The following PDE4D variants were observed in gnomAD, a reference collection of about 807,000 sequenced individuals.
PDE4D encodes phosphodiesterase 4D.
Under a neutral mutation model 87.4 loss-of-function variants are expected in PDE4D, and 24 were observed. The observed-to-expected ratio is 0.27, with a 90% CI of 0.20 to 0.39. The LOEUF (loss-of-function observed/expected upper bound fraction) is 0.39, where lower values mean the gene tolerates loss of function less well. Ranked by LOEUF, PDE4D falls within the 10% of genes least tolerant of loss-of-function variation. The pLI, the probability that PDE4D is intolerant of heterozygous loss-of-function variation, is 1.00. For synonymous variants in PDE4D, 384 were observed against 383.2 expected (o/e 1.00, Z -0.02); for missense variants, 714 against 1,041.0 (o/e 0.69, Z 4.32).
At chr5:59,871,700 C>A (rs2152737652) in intron 1 of PDE4D, among the ~76,000 whole-genome samples, 1 of 152,224 alleles carries the variant, frequency 6.6e-6, no homozygotes, top group South Asian at 2.1e-4. Context: ...CTGAAATTTG[C>A]CATCAAGGGA....
At chr5:60,499,313 T>C (rs1419494041) in intron 1 of PDE4D, among the ~76,000 whole-genome samples, 1 of 152,176 alleles carries the variant, frequency 6.6e-6, no homozygotes, top group African/African-American at 2.4e-5. Context: ...ACCCACTCTT[T>C]ATATATAAGG....
At chr5:59,619,994 A>G (rs1830159564) in intron 1 of PDE4D, among the ~76,000 whole-genome samples, 1 of 152,316 alleles carries the variant, frequency 6.6e-6, no homozygotes, top group South Asian at 2.1e-4. Flanking sequence ...GACTTAGTCC[A>G]TGGCTAAAGC....
At chr5:59,168,250 GAGA>G (rs1311074742) in intron 5 of PDE4D, among the ~76,000 whole-genome samples, 1 of 152,212 alleles carries the variant, frequency 6.6e-6, no homozygotes, top group African/African-American at 2.4e-5. Flanking sequence ...TTCACCCAAA[GAGA>G]AGATTAATAT....
intron 2 of PDE4D, among the ~76,000 whole-genome samples, chr5:60,180,223 G>A (rs1023219042): frequency 2.6e-5 from 4 of 152,256 alleles, no homozygotes; most frequent in South Asian, 2.1e-4. Context: ...CTGATCAGTC[G>A]CTGTTCTTTC....
intron 1 of PDE4D, among the ~76,000 whole-genome samples, chr5:59,831,494 G>T (rs900536445): frequency 6.6e-6 from 1 of 152,024 alleles, no homozygotes; most frequent in African/African-American, 2.4e-5. Context: ...TCCATGCCAG[G>T]AGTTTTACAT....
At chr5:60,379,723 G>C (rs896299508) in intron 1 of PDE4D, among the ~76,000 whole-genome samples, 5 of 152,174 alleles carry the variant, frequency 3.3e-5, no homozygotes, top group African/African-American at 1.2e-4. Flanking sequence ...ACACTACTCA[G>C]TGCTTTAATG....
At chr5:59,086,101 G>A (rs1038837037) in intron 5 of PDE4D, among the ~76,000 whole-genome samples, 11 of 152,076 alleles carry the variant, frequency 7.2e-5, no homozygotes, top group Admixed American at 2.0e-4. Context: ...GGAGAAAATC[G>A]AGGCTTTAGA....
intron 2 of PDE4D, among the ~76,000 whole-genome samples, chr5:60,085,338 G>A (rs898991593): frequency 2.0e-5 from 3 of 152,186 alleles, no homozygotes; most frequent in African/African-American, 7.2e-5. Context: ...CTAGACTCAT[G>A]TCCTTTCAGA....
intron 1 of PDE4D, among the ~76,000 whole-genome samples, chr5:59,880,772 C>G (rs1341222549): frequency 6.6e-6 from 1 of 152,244 alleles, no homozygotes; most frequent in East Asian, 1.9e-4. Flanking sequence ...GTCTGGGGTC[C>G]TCATGTCATG....
intron 1 of PDE4D, among the ~76,000 whole-genome samples, chr5:59,441,956 T>A (rs193273288): frequency 1.3e-3 from 194 of 152,344 alleles, no homozygotes; most frequent in African/African-American, 4.4e-3. Flanking sequence ...AAAAACACAC[T>A]TAATAGTATT....
chr5:59,172,669 C>G (rs554929730), intron 5 of PDE4D: 138 of 151,668 alleles, frequency 9.1e-4, no homozygotes, highest in African/African-American at 3.2e-3. Flanking sequence ...GATCGTACCA[C>G]TTCACTCCAG....
chr5:59,233,056 G>A lies in PDE4D; in HGVS notation c.456-17088C>T, dbSNP rs1046591924. 3.3e-5 allele frequency among the ~76,000 whole-genome samples: 5 copies of A among 152,180 alleles called. No individual in the cohort carries two copies. In the South Asian group the frequency reaches 6.2e-4, roughly 19 times the overall value. On this transcript the variant is annotated intron_variant, in intron 1 of 14. Transcript: ENST00000340635. ...GGGGAATGAAGAGAGGTTGGCTAAC[G>A]TATGCAAACATACAGCTGGATAGAA... is the stretch of plus-strand genomic sequence containing the variant.
chr5:59,740,629 A>G (rs1017071128), intron 1 of PDE4D, among the ~76,000 whole-genome samples: 4 of 152,232 alleles, frequency 2.6e-5, no homozygotes, highest in African/African-American at 9.6e-5. Context: ...GATAAACCCA[A>G]TTGTGGAATT....
intron 2 of PDE4D, among the ~76,000 whole-genome samples, chr5:60,140,122 G>T (rs556782837): frequency 1.3e-5 from 2 of 151,914 alleles, no homozygotes; most frequent in African/African-American, 2.4e-5. Context: ...GAATATGAAT[G>T]AATTTTTTAA....
intron 2 of PDE4D, among the ~76,000 whole-genome samples, chr5:60,058,359 A>G (rs1189502774): frequency 6.6e-6 from 1 of 151,936 alleles, no homozygotes; most frequent in Non-Finnish European, 1.5e-5. Flanking sequence ...ACTATTCTGC[A>G]AGCAGTGACT....
At chr5:59,356,218 G>C (rs1346140857) in intron 1 of PDE4D, among the ~76,000 whole-genome samples, 1 of 152,124 alleles carries the variant, frequency 6.6e-6, no homozygotes, top group African/African-American at 2.4e-5. Flanking sequence ...TGACAGTTTA[G>C]TGAAGTCATG....
At chr5:59,617,633 G>T (rs1032674024) in intron 1 of PDE4D, among the ~76,000 whole-genome samples, 6 of 152,200 alleles carry the variant, frequency 3.9e-5, no homozygotes, top group African/African-American at 1.4e-4. Flanking sequence ...GGAACACTAT[G>T]TGAAGACTGG....
At chr5:60,504,248 A>T (rs1298768657) in intron 1 of PDE4D, among the ~76,000 whole-genome samples, 1 of 134,370 alleles carries the variant, frequency 7.4e-6, no homozygotes, top group Admixed American at 7.6e-5. Flanking sequence ...GAAAGCTCTA[A>T]TATGTCTTTA....
intron 1 of PDE4D, among the ~76,000 whole-genome samples, chr5:59,798,093 T>C (rs1561678977): frequency 6.6e-6 from 1 of 151,858 alleles, no homozygotes; most frequent in East Asian, 1.9e-4. Context: ...AATAGCCAGG[T>C]GTGGTGGCCC....
Sources: gnomAD v4.1 joint callset for allele counts (sites outside exome capture counted in the v4.1 genomes callset) on GRCh38, gnomAD v4.1.1 for gene constraint, MANE v1.5 for transcripts, NCBI Gene and HGNC (gene_info 2026-07-23, HGNC 2026-07-21) for gene names.